The following CASD1 variants were observed in gnomAD, a reference collection of about 807,000 sequenced individuals.
CASD1 encodes N-acetylneuraminate (7)9-O-acetyltransferase.
A neutral mutation model predicts 100.0 loss-of-function variants in CASD1; 41 were observed. The ratio of observed to expected loss-of-function variants is 0.41; its 90% confidence interval spans 0.32 to 0.53. The LOEUF is 0.53. CASD1 is among the 20% of genes least tolerant of loss of function. The probability of loss-of-function intolerance (pLI) is 0.25; values close to 1 mark genes in which losing one functional copy is unlikely to be tolerated. For missense variants in CASD1, 774 were observed against 948.7 expected (o/e 0.82, Z 2.42); for synonymous variants, 321 against 315.6 (o/e 1.02, Z -0.18).
In CASD1 at chr7:94,552,752, C is replaced by T. The variant is rs538087279; in HGVS notation, c.2034+325C>T. Reference sequence around the variant, plus strand: ...AGGAGTTTGAGACCAGCCTGGACAACATGGTGAAACCCTGTCTCTACTAAA... The same window carrying T: ...AGGAGTTTGAGACCAGCCTGGACAATATGGTGAAACCCTGTCTCTACTAAA... On this transcript the variant is annotated intron_variant, in intron 16 of 17. Coordinates refer to ENST00000297273, the MANE Select transcript of CASD1 (RefSeq NM_022900.5). Among the ~76,000 whole-genome samples, 217 of 152,304 alleles carry T rather than the reference C, an allele frequency of 1.4e-3. 2 individuals carry two copies. The highest frequency in any genetic ancestry group is 1.9e-3 in the Non-Finnish European group (128 of 68,018).
At chr7:94,586,093 A>G in the CASD1 span, among the ~76,000 whole-genome samples, 1 of 149,448 alleles carries the variant, frequency 6.7e-6, no homozygotes, top group African/African-American at 2.5e-5. Flanking sequence ...AAAAACAACA[A>G]CTTCAAGATA....
At chr7:94,553,165 T>C (rs1381856923) in intron 16 of CASD1, 4 of 467,718 alleles carry the variant, frequency 8.6e-6, no homozygotes, top group Non-Finnish European at 1.7e-5. Context: ...ATATCACTTA[T>C]ACTATTAATT....
At chr7:94,591,684 A>G in the CASD1 span, among the ~76,000 whole-genome samples, 95 of 152,220 alleles carry the variant, frequency 6.2e-4, no homozygotes, top group African/African-American at 2.2e-3. Context: ...CTTGGAAACC[A>G]CTGATCAAAG....
At chr7:94,615,547 A>T in the CASD1 span, among the ~76,000 whole-genome samples, 1 of 152,072 alleles carries the variant, frequency 6.6e-6, no homozygotes. Context: ...TCTTTTCCTC[A>T]AGTATAACTT....
intron 1 of CASD1, among the ~76,000 whole-genome samples, chr7:94,510,626 C>A (rs1793653882): frequency 6.6e-6 from 1 of 152,214 alleles, no homozygotes; most frequent in African/African-American, 2.4e-5. Context: ...GGCCGCCCTG[C>A]AAGGGGCACC....
the CASD1 span, among the ~76,000 whole-genome samples, chr7:94,583,729 T>A: frequency 1.7e-4 from 26 of 152,178 alleles, no homozygotes; most frequent in Non-Finnish European, 1.2e-4. Flanking sequence ...GGGATTATGC[T>A]GGCTAACTGA....
chr7:94,581,411 T>G, the CASD1 span, among the ~76,000 whole-genome samples: 1 of 152,190 alleles, frequency 6.6e-6, no homozygotes, highest in Non-Finnish European at 1.5e-5. Context: ...ATGTGCAGGA[T>G]GTGCAGGTTT....
chr7:94,558,566 C>T (rs1428411353), downstream of CASD1, among the ~76,000 whole-genome samples: 2 of 152,136 alleles, frequency 1.3e-5, no homozygotes, highest in African/African-American at 2.4e-5. Flanking sequence ...GAATATTTCT[C>T]TGCAAAGACA....
At chr7:94,533,325 G>C in intron 6 of CASD1, 76 bp downstream of exon 6, 1 of 1,229,500 alleles carries the variant, frequency 8.1e-7, no homozygotes, top group South Asian at 1.4e-5. Flanking sequence ...GTTAATTTGT[G>C]TTCAGAATTC....
the CASD1 span, among the ~76,000 whole-genome samples, chr7:94,571,411 G>A: frequency 5.4e-4 from 82 of 152,188 alleles, no homozygotes; most frequent in Non-Finnish European, 9.4e-4. Flanking sequence ...GACAGGTTCC[G>A]CACTGCCCCC....
the CASD1 span, chr7:94,599,005 A>G: frequency 5.9e-3 from 8,652 of 1,462,032 alleles, 43 homozygotes; most frequent in Non-Finnish European, 7.3e-3. Context: ...TTAAAATCAT[A>G]TATTAGCCTG....
the CASD1 span, among the ~76,000 whole-genome samples, chr7:94,579,812 T>G: frequency 6.6e-6 from 1 of 152,306 alleles, no homozygotes; most frequent in South Asian, 2.1e-4. Context: ...AATTCATATA[T>G]TCAATTGCCT....
chr7:94,551,002 G>A (rs1795921329), intron 14 of CASD1, among the ~76,000 whole-genome samples: 1 of 151,846 alleles, frequency 6.6e-6, no homozygotes, highest in South Asian at 2.1e-4. Flanking sequence ...CATCTTTGTT[G>A]GGTGCATTTA....
the CASD1 span, among the ~76,000 whole-genome samples, chr7:94,564,113 G>A: frequency 1.3e-5 from 2 of 152,186 alleles, no homozygotes; most frequent in Non-Finnish European, 2.9e-5. Flanking sequence ...AAGCAAATGA[G>A]TATTTTTGTC....
intron 5 of CASD1, among the ~76,000 whole-genome samples, chr7:94,532,605 T>G (rs989620244): frequency 2.6e-5 from 4 of 152,196 alleles, no homozygotes; most frequent in South Asian, 4.1e-4. Context: ...AGACCTCAAT[T>G]GACTATGGGT....
chr7:94,577,955 G>A, the CASD1 span, among the ~76,000 whole-genome samples: 1 of 152,080 alleles, frequency 6.6e-6, no homozygotes, highest in African/African-American at 2.4e-5. Flanking sequence ...CCAAACAGCT[G>A]GTTTTCACCA....
the CASD1 span, among the ~76,000 whole-genome samples, chr7:94,569,145 C>T: frequency 6.6e-6 from 1 of 152,078 alleles, no homozygotes; most frequent in Non-Finnish European, 1.5e-5. Context: ...CCTAGGGTCC[C>T]TATGGAGGGC....
the CASD1 span, among the ~76,000 whole-genome samples, chr7:94,569,912 C>T: frequency 6.6e-6 from 1 of 151,612 alleles, no homozygotes; most frequent in Non-Finnish European, 1.5e-5. Context: ...CTCCCGGGTT[C>T]ATGCTATTCT....
the CASD1 span, chr7:94,618,277 G>A: frequency 6.3e-6 from 1 of 158,282 alleles, no homozygotes; most frequent in African/African-American, 2.4e-5. Flanking sequence ...CAGCTTGTGA[G>A]TGACAAGGTC....
Sources: allele counts gnomAD v4.1 joint callset (sites outside exome capture counted in the v4.1 genomes callset), GRCh38; gene constraint gnomAD v4.1.1; transcripts MANE v1.5; gene names NCBI Gene and HGNC (gene_info 2026-07-23, HGNC 2026-07-21).